DCAF6: variants seen among roughly 807,000 people sequenced by gnomAD.
The protein encoded by DCAF6 is DDB1 and CUL4 associated factor 6, also known as DDB1- and CUL4-associated factor 6.
Under a neutral mutation model 125.1 loss-of-function variants are expected in DCAF6, and 54 were observed. That is an observed-to-expected ratio of 0.43 (90% CI 0.35 to 0.54). The LOEUF (loss-of-function observed/expected upper bound fraction) is 0.54. Ranked by LOEUF, DCAF6 falls within the 20% of genes least tolerant of loss-of-function variation. The pLI, the probability that DCAF6 is intolerant of heterozygous loss-of-function variation, is 0.01. For synonymous variants in DCAF6, 371 were observed against 390.4 expected (o/e 0.95, Z 0.58); for missense variants, 934 against 1,161.7 (o/e 0.80, Z 2.85).
In DCAF6 at chr1:168,037,427, G is replaced by A. The variant is rs1447255614; in HGVS notation, c.1610-944G>A. On this transcript the variant is annotated intron_variant, in intron 12 of 21. Coordinates refer to ENST00000367840, the MANE Select transcript of DCAF6 (RefSeq NM_001198956.2). ...TCACAGAAGAGTTTTCTTTCTGCAA[G>A]CAACTGGCAGAAATGTGACATGTTT... 6.0e-4 allele frequency among the ~76,000 whole-genome samples: 91 copies of A among 152,236 alleles called. 1 individual carries two copies. Among genetic ancestry groups the A allele is most frequent in the Non-Finnish European group, 2.9e-5 (2 of 68,008 alleles).
intron 12 of DCAF6, among the ~76,000 whole-genome samples, chr1:168,037,718 T>C (rs1688020300): frequency 6.6e-6 from 1 of 152,196 alleles, no homozygotes; most frequent in South Asian, 2.1e-4. Flanking sequence ...GAAATTGCTG[T>C]TTCCACAATT....
chr1:167,962,147 T>A (rs1055348170), intron 2 of DCAF6, among the ~76,000 whole-genome samples: 2 of 152,174 alleles, frequency 1.3e-5, no homozygotes, highest in African/African-American at 4.8e-5. Flanking sequence ...CATGTGAGCT[T>A]TAGAGGACTG....
chr1:167,973,746 T>C (rs536937299), intron 3 of DCAF6, among the ~76,000 whole-genome samples: 9 of 147,618 alleles, frequency 6.1e-5, no homozygotes, highest in Middle Eastern at 6.9e-3. Context: ...ACAACAGATA[T>C]TCCCCACTCA....
chr1:168,049,386 G>A (rs984713511), intron 16 of DCAF6, among the ~76,000 whole-genome samples: 6 of 150,692 alleles, frequency 4.0e-5, no homozygotes, highest in Non-Finnish European at 5.9e-5. Context: ...GGGATTACAG[G>A]TGCATGTTGC....
chr1:167,899,096 C>G, the DCAF6 span, among the ~76,000 whole-genome samples: 1 of 152,132 alleles, frequency 6.6e-6, no homozygotes, highest in East Asian at 1.9e-4. Context: ...GCCTTTAAAA[C>G]TATTCCCCTC....
At chr1:167,976,902 T>G (rs1678304149) in intron 4 of DCAF6, among the ~76,000 whole-genome samples, 2 of 119,906 alleles carry the variant, frequency 1.7e-5, no homozygotes, top group African/African-American at 3.6e-5. Context: ...TTTTTTTTTT[T>G]TTTTTTTTTT....
chr1:167,969,403 T>C (rs202243), intron 3 of DCAF6: 125 of 152,314 alleles, frequency 8.2e-4, no homozygotes, highest in African/African-American at 2.8e-3. Context: ...GGATAACATA[T>C]GAGTTCTAAT....
At chr1:168,033,035 C>T (rs562321258) in intron 12 of DCAF6, among the ~76,000 whole-genome samples, 1 of 151,758 alleles carries the variant, frequency 6.6e-6, no homozygotes, top group Non-Finnish European at 1.5e-5. Context: ...ATGGTTATCA[C>T]ATGTGTTTTT....
At chr1:168,034,150 C>T (rs759026901) in intron 12 of DCAF6, among the ~76,000 whole-genome samples, 4 of 152,140 alleles carry the variant, frequency 2.6e-5, no homozygotes, top group Non-Finnish European at 2.9e-5. Context: ...AGTTACTTAT[C>T]TAAGTAATCT....
chr1:168,037,785 A>G lies in DCAF6; in HGVS notation c.1610-586A>G, dbSNP rs544683478. On this transcript the variant is annotated intron_variant, in intron 12 of 21. Transcript: ENST00000367840. ...AGAAACGGAAATATACCAAAATATAACAAAGTATATTTTAGAAAATATCAA... is the reference window on the plus strand; with the variant it reads ...AGAAACGGAAATATACCAAAATATAGCAAAGTATATTTTAGAAAATATCAA... Among the ~76,000 whole-genome samples, 16 of 152,364 alleles carry G rather than the reference A, an allele frequency of 1.1e-4. No homozygotes were observed. The South Asian group carries it at 3.1e-3, about 30-fold the overall frequency.
chr1:167,928,750 G>A, the DCAF6 span, among the ~76,000 whole-genome samples: 1 of 152,144 alleles, frequency 6.6e-6, no homozygotes, highest in African/African-American at 2.4e-5. Flanking sequence ...CACGTGAAGT[G>A]ATTATAATAC....
intron 13 of DCAF6, among the ~76,000 whole-genome samples, chr1:168,040,107 C>T (rs774210001): frequency 1.3e-5 from 2 of 151,928 alleles, no homozygotes; most frequent in Non-Finnish European, 2.9e-5. Context: ...ACCTAGGCAT[C>T]ATTGAGAAGG....
chr1:168,073,589 AT>A (rs1693405553), intron 21 of DCAF6, among the ~76,000 whole-genome samples: 1 of 152,036 alleles, frequency 6.6e-6, no homozygotes, highest in African/African-American at 2.4e-5. Context: ...AGGCTGTGAC[AT>A]TTTTTTCTTA....
chr1:168,065,862 G>A, intron 19 of DCAF6, 116 bp downstream of exon 19: 1 of 990,186 alleles, frequency 1.0e-6, no homozygotes, highest in Non-Finnish European at 1.4e-6. Flanking sequence ...TATCTGACTA[G>A]GCAGCAGTAG....
chr1:167,992,116 A>T (rs1571841788), intron 6 of DCAF6, among the ~76,000 whole-genome samples: 1 of 151,792 alleles, frequency 6.6e-6, no homozygotes, highest in East Asian at 1.9e-4. Context: ...GCTGTTAATA[A>T]TGCTGAGTAC....
chr1:167,901,713 A>G, the DCAF6 span: 1 of 1,613,974 alleles, frequency 6.2e-7, no homozygotes, highest in African/African-American at 1.3e-5. Flanking sequence ...GTCTCAAACA[A>G]TCCATGGATC....
At chr1:167,885,621 G>C in the DCAF6 span, among the ~76,000 whole-genome samples, 14 of 151,918 alleles carry the variant, frequency 9.2e-5, no homozygotes, top group African/African-American at 3.1e-4. Context: ...TGTCTATTTC[G>C]ATCTTTTTTT....
the DCAF6 span, among the ~76,000 whole-genome samples, chr1:167,876,461 C>T: frequency 6.6e-6 from 1 of 152,106 alleles, no homozygotes; most frequent in Non-Finnish European, 1.5e-5. Flanking sequence ...TGGATTATGC[C>T]CTTCTCTGAA....
intron 7 of DCAF6, among the ~76,000 whole-genome samples, chr1:167,995,194 G>A (rs79542640): frequency 0.013 from 1,915 of 152,240 alleles, 42 homozygotes; most frequent in African/African-American, 0.044. Flanking sequence ...CATAATGAAA[G>A]AGTTGGAAGT....
Sources: gnomAD v4.1 joint callset for allele counts (sites outside exome capture counted in the v4.1 genomes callset) on GRCh38, gnomAD v4.1.1 for gene constraint, MANE v1.5 for transcripts, NCBI Gene and HGNC (gene_info 2026-07-23, HGNC 2026-07-21) for gene names.